Variants in NRG3 observed in about 807,000 individuals in gnomAD.
NRG3 encodes neuregulin 3, also known as pro-neuregulin-3, membrane-bound isoform.
A neutral mutation model predicts 66.9 loss-of-function variants in NRG3; 31 were observed. The ratio of observed to expected loss-of-function variants is 0.46; its 90% CI spans 0.35 to 0.63. NRG3 has a LOEUF of 0.63. Ranked by LOEUF, NRG3 falls within the 20% of genes least tolerant of loss-of-function variation. NRG3 has a pLI of 0.00. For missense variants in NRG3, 910 were observed against 878.9 expected, an observed-to-expected ratio of 1.04 and a Z score of -0.45; for synonymous variants, 393 against 359.4, an observed-to-expected ratio of 1.09 and a Z score of -1.06.
chr10:82,077,035 G>T lies in NRG3; in HGVS notation c.823+200872G>T, dbSNP rs147842837. ...ATGCTTCTATGATTCTTATGAGACT[G>T]CAACCCTAGAATAAAATTTTGGCAA... On this transcript the variant is annotated intron_variant, in intron 1 of 8. Coordinates refer to ENST00000372141, the MANE Select transcript of NRG3 (RefSeq NM_001010848.4). Among the ~76,000 whole-genome samples, 291 of 152,218 alleles carry T rather than the reference G, an allele frequency of 1.9e-3. 1 individual carries two copies. The highest frequency in any genetic ancestry group is 6.7e-3 in the African/African-American group (278 of 41,522).
intron 1 of NRG3, among the ~76,000 whole-genome samples, chr10:82,078,239 G>GT (rs1159069394): frequency 6.6e-6 from 1 of 152,178 alleles, no homozygotes; most frequent in East Asian, 1.9e-4. Flanking sequence ...CTAATAGGTG[G>GT]TTTTCCAGTT....
chr10:82,531,634 G>A (rs545670650), intron 2 of NRG3, among the ~76,000 whole-genome samples: 26 of 151,748 alleles, frequency 1.7e-4, no homozygotes, highest in Non-Finnish European at 3.4e-4. Context: ...ATTAAATCAC[G>A]TGTTCACTCA....
chr10:82,536,811 G>A (rs1050493462), intron 2 of NRG3, among the ~76,000 whole-genome samples: 17 of 151,786 alleles, frequency 1.1e-4, no homozygotes, highest in African/African-American at 3.9e-4. Context: ...TATTGTTTGG[G>A]CCTCAAGGGT....
intron 1 of NRG3, among the ~76,000 whole-genome samples, chr10:82,320,474 G>C (rs2081510555): frequency 6.6e-6 from 1 of 152,138 alleles, no homozygotes; most frequent in African/African-American, 2.4e-5. Flanking sequence ...AGAACTCACT[G>C]AATACTTAGC....
chr10:82,800,275 G>C (rs2135429905), intron 3 of NRG3, among the ~76,000 whole-genome samples: 1 of 152,296 alleles, frequency 6.6e-6, no homozygotes, highest in Admixed American at 6.5e-5. Context: ...TCTGCGGAAG[G>C]TGAGAGACAT....
At chr10:82,954,240 AT>A (rs1390157924) in intron 5 of NRG3, among the ~76,000 whole-genome samples, 1 of 151,964 alleles carries the variant, frequency 6.6e-6, no homozygotes, top group Non-Finnish European at 1.5e-5. Flanking sequence ...TTAATCACTT[AT>A]TTTTACAGTA....
chr10:82,640,466 A>G lies in NRG3; in HGVS notation c.954-98111A>G, dbSNP rs116800937. Among the ~76,000 whole-genome samples, 766 of 152,232 alleles carry G rather than the reference A, an allele frequency of 5.0e-3. 5 individuals are homozygous for G. Among genetic ancestry groups the G allele is most frequent in the African/African-American group, 0.017 (709 of 41,546 alleles). On this transcript the variant is annotated intron_variant, in intron 2 of 8. Transcript: ENST00000372141. ...GTAACATTTCTTCATATTAAGTCCT[A>G]CCTTATTCTGAGTGCAAATCCATCA...
chr10:82,127,372 T>C (rs1159857317), intron 1 of NRG3, among the ~76,000 whole-genome samples: 2 of 152,112 alleles, frequency 1.3e-5, no homozygotes, highest in Non-Finnish European at 2.9e-5. Context: ...GAAAAGTTTA[T>C]GCGTTTTAGA....
chr10:82,159,026 T>A (rs941481032), intron 1 of NRG3, among the ~76,000 whole-genome samples: 1 of 151,700 alleles, frequency 6.6e-6, no homozygotes, highest in African/African-American at 2.4e-5. Context: ...TAGGTTTCAA[T>A]TTTTTTTAGT....
intron 2 of NRG3, among the ~76,000 whole-genome samples, chr10:82,570,916 C>T (rs1215402666): frequency 6.6e-6 from 1 of 151,566 alleles, no homozygotes; most frequent in Non-Finnish European, 1.5e-5. Context: ...TCATATATAT[C>T]TCAAACCTGG....
chr10:82,968,895 T>C (rs546819906), intron 6 of NRG3, among the ~76,000 whole-genome samples: 9 of 152,264 alleles, frequency 5.9e-5, no homozygotes, highest in African/African-American at 2.2e-4. Context: ...CTCATAATCA[T>C]GGTGGAAGGT....
intron 3 of NRG3, among the ~76,000 whole-genome samples, chr10:82,823,128 G>A (rs1191310886): frequency 1.3e-5 from 2 of 152,052 alleles, no homozygotes; most frequent in African/African-American, 4.8e-5. Context: ...GCCACTCCAG[G>A]TTATTTTTCT....
intron 2 of NRG3, among the ~76,000 whole-genome samples, chr10:82,737,217 T>C (rs2058197405): frequency 6.6e-6 from 1 of 152,206 alleles, no homozygotes; most frequent in Non-Finnish European, 1.5e-5. Context: ...TGGAGGTCTG[T>C]GTTCTCAGTC....
chr10:82,193,829 G>A (rs1184862371), intron 1 of NRG3, among the ~76,000 whole-genome samples: 1 of 152,170 alleles, frequency 6.6e-6, no homozygotes, highest in Non-Finnish European at 1.5e-5. Flanking sequence ...ACCCTAAGGG[G>A]AGTAGTCATT....
At chr10:82,246,276 C>G (rs1223157866) in intron 1 of NRG3, among the ~76,000 whole-genome samples, 2 of 152,168 alleles carry the variant, frequency 1.3e-5, no homozygotes, top group East Asian at 3.9e-4. Context: ...CATTCCCAGA[C>G]TGGCCTATTT....
At chr10:81,929,329 G>A (rs974060116) in intron 1 of NRG3, among the ~76,000 whole-genome samples, 1 of 152,116 alleles carries the variant, frequency 6.6e-6, no homozygotes, top group African/African-American at 2.4e-5. Flanking sequence ...CCTCTCAAAT[G>A]GACCTTGATC....
chr10:82,038,670 C>T (rs1425352731), intron 1 of NRG3, among the ~76,000 whole-genome samples: 1 of 152,138 alleles, frequency 6.6e-6, no homozygotes, highest in Non-Finnish European at 1.5e-5. Flanking sequence ...AACTTCTGGC[C>T]AGAGCCTAGT....
At chr10:81,965,898 T>G (rs1447955235) in intron 1 of NRG3, among the ~76,000 whole-genome samples, 1 of 152,110 alleles carries the variant, frequency 6.6e-6, no homozygotes, top group African/African-American at 2.4e-5. Context: ...ATTATTATTA[T>G]TTGGTGTATG....
intron 1 of NRG3, among the ~76,000 whole-genome samples, chr10:82,047,411 C>A (rs1052469017): frequency 1.3e-5 from 2 of 152,020 alleles, no homozygotes; most frequent in African/African-American, 4.8e-5. Flanking sequence ...CTAGGCAGAA[C>A]CTCTACAAGC....
Sources: allele counts gnomAD v4.1 joint callset (sites outside exome capture counted in the v4.1 genomes callset), GRCh38; gene constraint gnomAD v4.1.1; transcripts MANE v1.5; gene names NCBI Gene and HGNC (gene_info 2026-07-23, HGNC 2026-07-21).